The following MEMO1 variants were observed in gnomAD, a reference collection of about 807,000 sequenced individuals.
MEMO1 encodes mediator of cell motility 1.
In MEMO1, 6 loss-of-function variants were observed where a neutral mutation model predicts 45.2. That is an observed-to-expected ratio of 0.13 (90% confidence interval 0.07 to 0.26). The LOEUF is 0.26. Ranked by LOEUF, MEMO1 falls within the 10% of genes least tolerant of loss-of-function variation. The pLI is 1.00. For synonymous variants in MEMO1, 78 were observed against 124.3 expected (o/e 0.63, Z 2.48); for missense variants, 184 against 370.5 (o/e 0.50, Z 4.13).
chr2:31,891,870 G>T (rs1677035336), intron 7 of MEMO1, 122 bp downstream of exon 7: 18 of 1,010,774 alleles, frequency 1.8e-5, no homozygotes, highest in Non-Finnish European at 2.5e-5. Context: ...AAACACTGCT[G>T]CCAGAAGTAA....
chr2:31,892,832 T>A (rs1677168839), intron 6 of MEMO1, among the ~76,000 whole-genome samples: 1 of 152,184 alleles, frequency 6.6e-6, no homozygotes, highest in Admixed American at 6.5e-5. Flanking sequence ...CCTTTTTCAC[T>A]CTACAGATTG....
At chr2:31,985,130 T>G (rs1025737461) in intron 2 of MEMO1, among the ~76,000 whole-genome samples, 1 of 152,190 alleles carries the variant, frequency 6.6e-6, no homozygotes, top group African/African-American at 2.4e-5. Context: ...AATTCCTCAC[T>G]AAATCCTGAC....
At chr2:32,009,781 G>A (rs1397072333) in intron 2 of MEMO1, among the ~76,000 whole-genome samples, 1 of 152,154 alleles carries the variant, frequency 6.6e-6, no homozygotes. Flanking sequence ...GGGGCTCGGC[G>A]CCGGGCACAC....
intron 2 of MEMO1, among the ~76,000 whole-genome samples, chr2:31,996,625 T>C (rs748321344): frequency 8.5e-5 from 13 of 152,114 alleles, no homozygotes; most frequent in Admixed American, 3.9e-4. Context: ...TAAGAATTCA[T>C]AGAAATAGTG....
chr2:31,996,194 G>A (rs2148571620), intron 2 of MEMO1, among the ~76,000 whole-genome samples: 1 of 151,676 alleles, frequency 6.6e-6, no homozygotes, highest in South Asian at 2.1e-4. Context: ...GAGGGAGAGA[G>A]AGAGACAGAG....
In MEMO1 at chr2:31,983,436, G is replaced by GT. The variant is rs1042724198; in HGVS notation, c.61+26750dup. ...TTCAATGCCCAAATCTTAGTTTTTT[G>GT]TTTTTTTTGTTTTTGAGACAGAGTT... is the stretch of plus-strand genomic sequence containing the variant. On this transcript the variant is annotated intron_variant, in intron 2 of 9. Coordinates refer to ENST00000404530, the MANE Select transcript of MEMO1 (RefSeq NM_001301833.4). Among the ~76,000 whole-genome samples the GT allele has an allele frequency of 5.9e-5, 9 of 151,714 alleles. No individual in the cohort carries two copies. In the South Asian group the frequency reaches 8.4e-4, roughly 14 times the overall value.
intron 5 of MEMO1, among the ~76,000 whole-genome samples, chr2:31,918,461 C>A (rs981739916): frequency 1.3e-5 from 2 of 152,126 alleles, no homozygotes; most frequent in Admixed American, 1.3e-4. Context: ...GGAAAAACCA[C>A]TAGTCTATTT....
chr2:31,934,368 C>T (rs1315726993), intron 3 of MEMO1, among the ~76,000 whole-genome samples: 1 of 152,006 alleles, frequency 6.6e-6, no homozygotes. Context: ...CTGTTCCTGA[C>T]CAAGCTCAGT....
intron 2 of MEMO1, among the ~76,000 whole-genome samples, chr2:31,953,074 T>C (rs1271684326): frequency 1.3e-5 from 2 of 152,160 alleles, no homozygotes; most frequent in South Asian, 4.1e-4. Flanking sequence ...TTTTCCATAT[T>C]TAAGATTATT....
At chr2:31,964,840 C>CT (rs1322307599) in intron 2 of MEMO1, among the ~76,000 whole-genome samples, 2 of 152,012 alleles carry the variant, frequency 1.3e-5, no homozygotes, top group Non-Finnish European at 2.9e-5. Flanking sequence ...AAAATAGTTT[C>CT]TTTTTTTATT....
At chr2:31,957,611 A>G (rs761572775) in intron 2 of MEMO1, among the ~76,000 whole-genome samples, 2 of 152,236 alleles carry the variant, frequency 1.3e-5, no homozygotes, top group African/African-American at 4.8e-5. Context: ...CCATCACCAA[A>G]TATCTGGTAG....
chr2:31,965,997 G>A (rs1668571232), intron 2 of MEMO1, among the ~76,000 whole-genome samples: 1 of 151,998 alleles, frequency 6.6e-6, no homozygotes, highest in South Asian at 2.1e-4. Flanking sequence ...TTAAAATGAG[G>A]ATAAAACACT....
chr2:31,869,854 T>A lies in MEMO1; in HGVS notation c.756A>T (p.Leu252Phe), dbSNP rs1424361710. ...GCTTCCTAAGGATACTCACATTTAATAACACCCCAATGGGATGTCTTCCAC... is the reference window on the plus strand; with the variant it reads ...GCTTCCTAAGGATACTCACATTTAAAAACACCCCAATGGGATGTCTTCCAC... ...TICGRHPIGV[L>F]LNAITELQKN... Residue 252 changes from leucine to phenylalanine, a missense_variant, in exon 9 of 10, where the codon TTA becomes TTT. Physicochemically the swap from Leu to Phe is conservative, Grantham distance 22. Around this residue, in one of 3 missense-constraint regions of MEMO1, gnomAD observed 97 missense variants for 209.3 expected, o/e 0.46. Coordinates refer to ENST00000404530, the MANE Select transcript of MEMO1 (RefSeq NM_001301833.4). 6 of 1,571,950 alleles carry A rather than the reference T, an allele frequency of 3.8e-6. No homozygotes were observed. The highest frequency in any genetic ancestry group is 5.1e-6 in the Non-Finnish European group (6 of 1,167,096).
At chr2:31,894,319 C>T (rs1677400778) in intron 6 of MEMO1, among the ~76,000 whole-genome samples, 1 of 152,146 alleles carries the variant, frequency 6.6e-6, no homozygotes, top group African/African-American at 2.4e-5. Flanking sequence ...CATCAAGGAA[C>T]AGCACCTTCA....
At chr2:31,979,224 A>G (rs1670367566) in intron 2 of MEMO1, among the ~76,000 whole-genome samples, 1 of 152,204 alleles carries the variant, frequency 6.6e-6, no homozygotes, top group Non-Finnish European at 1.5e-5. Context: ...AGAGGAAACC[A>G]GACCCATGAT....
At chr2:31,917,069 T>C (rs1681557423) in intron 6 of MEMO1, among the ~76,000 whole-genome samples, 1 of 152,184 alleles carries the variant, frequency 6.6e-6, no homozygotes, top group Non-Finnish European at 1.5e-5. Context: ...ATAAAAAATA[T>C]AATGTTATCT....
At chr2:31,902,487 A>G (rs1247496481) in intron 6 of MEMO1, among the ~76,000 whole-genome samples, 1 of 152,192 alleles carries the variant, frequency 6.6e-6, no homozygotes, top group Non-Finnish European at 1.5e-5. Context: ...AGAAGAAAAA[A>G]AAGAAAATCC....
At chr2:31,892,966 A>G (rs1677190238) in intron 6 of MEMO1, among the ~76,000 whole-genome samples, 1 of 152,082 alleles carries the variant, frequency 6.6e-6, no homozygotes, top group Admixed American at 6.6e-5. Context: ...ATATATATTC[A>G]ATATTATTTA....
At chr2:31,902,207 A>C (rs1396968551) in intron 6 of MEMO1, among the ~76,000 whole-genome samples, 1 of 152,010 alleles carries the variant, frequency 6.6e-6, no homozygotes, top group Non-Finnish European at 1.5e-5. Context: ...ACTTAAGGCC[A>C]GGAGTTAGAG....
Sources: gnomAD v4.1 joint callset for allele counts (sites outside exome capture counted in the v4.1 genomes callset) on GRCh38, gnomAD v4.1.1 for gene constraint, gnomAD v4.1.1 regional missense constraint, MANE v1.5 for transcripts, NCBI Gene and HGNC (gene_info 2026-07-23, HGNC 2026-07-21) for gene names.